PLPP3: variants seen among roughly 807,000 people sequenced by gnomAD.
The protein encoded by PLPP3 is PAP2 beta.
Under a neutral mutation model 29.6 loss-of-function variants are expected in PLPP3, and 6 were observed. The ratio of observed to expected loss-of-function variants is 0.20; its 90% confidence interval spans 0.11 to 0.40. The LOEUF (loss-of-function observed/expected upper bound fraction) is 0.40. PLPP3 is among the 10% of genes least tolerant of loss of function. The probability of loss-of-function intolerance (pLI) is 1.00; values close to 1 mark genes in which losing one functional copy is unlikely to be tolerated. For synonymous variants in PLPP3, 152 were observed against 159.7 expected (o/e 0.95, Z 0.36); for missense variants, 308 against 407.7 (o/e 0.76, Z 2.11).
In PLPP3 at chr1:56,496,539, G is replaced by A. The variant is rs755065427; in HGVS notation, c.*12C>T. 6 of 1,613,510 alleles carry A rather than the reference G, an allele frequency of 3.7e-6. No individual in the cohort carries two copies. The highest frequency in any genetic ancestry group is 5.1e-6 in the Non-Finnish European group (6 of 1,179,718). ...GTCATTTTACAAAAACAGCTCAGGA[G>A]GTGGGTGGCACCTACATCATGTTGT... On this transcript the variant is annotated 3_prime_UTR_variant, in exon 6 of 6. Transcript: ENST00000371250.
intron 1 of PLPP3, among the ~76,000 whole-genome samples, chr1:56,574,312 C>A (rs940810957): frequency 3.9e-5 from 6 of 152,070 alleles, no homozygotes; most frequent in African/African-American, 7.2e-5. Context: ...TGCAGTGACA[C>A]AATCATGGCT....
chr1:56,547,894 T>G (rs1249445881), intron 1 of PLPP3, among the ~76,000 whole-genome samples: 1 of 152,230 alleles, frequency 6.6e-6, no homozygotes, highest in Non-Finnish European at 1.5e-5. Context: ...TTGCCTAATT[T>G]CTCTGAGCCT....
intron 2 of PLPP3, among the ~76,000 whole-genome samples, chr1:56,525,461 C>G (rs984656979): frequency 1.3e-5 from 2 of 152,166 alleles, no homozygotes; most frequent in Non-Finnish European, 2.9e-5. Context: ...CCACCAATTA[C>G]TGATTACCTA....
intron 4 of PLPP3, chr1:56,517,125 C>T (rs1480475053): frequency 2.6e-5 from 4 of 152,196 alleles, no homozygotes; most frequent in Non-Finnish European, 5.9e-5. Flanking sequence ...ACTTCATTTC[C>T]ATTGCTCTTG....
intron 2 of PLPP3, among the ~76,000 whole-genome samples, chr1:56,530,540 C>G (rs1206228649): frequency 6.6e-6 from 1 of 152,228 alleles, no homozygotes; most frequent in Non-Finnish European, 1.5e-5. Context: ...ATATGACTGA[C>G]AAAGATGTGC....
At chr1:56,573,634 A>G (rs1261339879) in intron 1 of PLPP3, among the ~76,000 whole-genome samples, 1 of 152,232 alleles carries the variant, frequency 6.6e-6, no homozygotes, top group Admixed American at 6.5e-5. Context: ...TCTGTATTTC[A>G]TACCAGATAG....
chr1:56,567,505 C>A (rs1008925677), intron 1 of PLPP3, among the ~76,000 whole-genome samples: 16 of 148,670 alleles, frequency 1.1e-4, no homozygotes, highest in African/African-American at 4.0e-4. Flanking sequence ...TCATGCCATT[C>A]TCCTGCCTCA....
At chr1:56,507,029 T>G (rs1426427184) in intron 5 of PLPP3, among the ~76,000 whole-genome samples, 1 of 152,198 alleles carries the variant, frequency 6.6e-6, no homozygotes, top group Non-Finnish European at 1.5e-5. Flanking sequence ...TGGCTTCCAT[T>G]GTCTTCCTTT....
At chr1:56,572,207 GC>G (rs752451239) in intron 1 of PLPP3, among the ~76,000 whole-genome samples, 3 of 151,872 alleles carry the variant, frequency 2.0e-5, no homozygotes, top group Non-Finnish European at 4.4e-5. Context: ...ACACCACGAT[GC>G]CCGGCTAATT....
intron 1 of PLPP3, among the ~76,000 whole-genome samples, chr1:56,568,089 A>G (rs1646173529): frequency 6.6e-6 from 1 of 152,190 alleles, no homozygotes; most frequent in East Asian, 1.9e-4. Flanking sequence ...CAGAACAGGC[A>G]AATCTATGGA....
At chr1:56,540,787 C>T (rs904773603) in intron 1 of PLPP3, among the ~76,000 whole-genome samples, 39 of 152,116 alleles carry the variant, frequency 2.6e-4, no homozygotes, top group African/African-American at 9.2e-4. Context: ...ATGGGAAAAG[C>T]ATAAACATCC....
chr1:56,554,554 A>G (rs2100287498), intron 1 of PLPP3, among the ~76,000 whole-genome samples: 1 of 150,406 alleles, frequency 6.6e-6, no homozygotes, highest in South Asian at 2.1e-4. Flanking sequence ...CCTGGGCGAC[A>G]GAGCAAGACT....
At chr1:56,532,948 C>T (rs537515393) in intron 2 of PLPP3, among the ~76,000 whole-genome samples, 93 of 152,240 alleles carry the variant, frequency 6.1e-4, no homozygotes, top group African/African-American at 2.1e-3. Context: ...GGGGAGGAGA[C>T]AGCTACGGAA....
rs752038782 is a variant in PLPP3, at chr1:56,495,703, G to C, written c.*848C>G. ...TTCCTGGGCCCTCACAGGAAATCCT[G>C]GTGGGCACGCAGCAAGGATTTCAAG... is the stretch of plus-strand genomic sequence containing the variant. On this transcript the variant is annotated 3_prime_UTR_variant, in exon 6 of 6. Coordinates refer to ENST00000371250, the MANE Select transcript of PLPP3 (RefSeq NM_003713.5). The C allele has an allele frequency of 3.3e-5, 5 of 152,670 alleles. No homozygotes were observed. Among genetic ancestry groups the C allele is most frequent in the African/African-American group, 4.8e-5 (2 of 41,456 alleles). The allele number at this position is 152,670 out of a possible 1,614,324, so 9.5% of individuals were successfully genotyped here. A position where few individuals can be genotyped will look rare whatever the true frequency, so the allele number is the denominator to read the frequency against.
At chr1:56,502,360 G>A (rs1009509169) in intron 5 of PLPP3, among the ~76,000 whole-genome samples, 1 of 152,156 alleles carries the variant, frequency 6.6e-6, no homozygotes, top group Non-Finnish European at 1.5e-5. Context: ...AGAACCTCAA[G>A]AAAATTGAGC....
At chr1:56,515,123 G>A (rs992649668) in intron 4 of PLPP3, among the ~76,000 whole-genome samples, 6 of 152,162 alleles carry the variant, frequency 3.9e-5, no homozygotes, top group Admixed American at 1.3e-4. Flanking sequence ...ACCTCCCTGA[G>A]CCTCCATTTT....
intron 4 of PLPP3, among the ~76,000 whole-genome samples, chr1:56,522,729 T>C (rs946303860): frequency 2.6e-5 from 4 of 152,222 alleles, no homozygotes; most frequent in African/African-American, 9.6e-5. Context: ...TTCCTAATTG[T>C]GCTTTTTCAA....
At chr1:56,565,868 A>G (rs1045047429) in intron 1 of PLPP3, among the ~76,000 whole-genome samples, 5 of 152,316 alleles carry the variant, frequency 3.3e-5, no homozygotes, top group African/African-American at 1.2e-4. Flanking sequence ...TTGCCCCTCT[A>G]TGACACATCT....
At chr1:56,556,333 C>T (rs549850483) in intron 1 of PLPP3, among the ~76,000 whole-genome samples, 3 of 152,012 alleles carry the variant, frequency 2.0e-5, no homozygotes, top group Non-Finnish European at 4.4e-5. Context: ...CACAAAGATA[C>T]AGGAATACTT....
Sources: allele counts gnomAD v4.1 joint callset (sites outside exome capture counted in the v4.1 genomes callset), GRCh38; gene constraint gnomAD v4.1.1; transcripts MANE v1.5; gene names NCBI Gene and HGNC (gene_info 2026-07-23, HGNC 2026-07-21).